GRIP1: variants seen among roughly 807,000 people sequenced by gnomAD.
GRIP1 encodes the protein glutamate receptor interacting protein 1, also known as glutamate receptor-interacting protein 1.
Under a neutral mutation model 129.9 loss-of-function variants are expected in GRIP1, and 45 were observed. The ratio of observed to expected loss-of-function variants is 0.35; its 90% confidence interval spans 0.27 to 0.44. The LOEUF (loss-of-function observed/expected upper bound fraction) is 0.44. GRIP1 is among the 20% of genes least tolerant of loss of function. GRIP1 has a pLI of 1.00. For synonymous variants in GRIP1, 530 were observed against 520.8 expected (o/e 1.02, Z -0.24); for missense variants, 1,196 against 1,396.8 (o/e 0.86, Z 2.29).
Position 66,438,448 on chromosome 12 carries a change from C to T in GRIP1, c.1688-5820G>A, listed in dbSNP as rs578103274. Among the ~76,000 whole-genome samples the T allele has an allele frequency of 4.6e-5, 7 of 151,990 alleles. No individual in the cohort carries two copies. In the South Asian group the frequency reaches 1.0e-3, roughly 23 times the overall value. ...CAGTCTGAAGTTCCTGATCCCAGTT[C>T]CTCAGTAGAGCCAACTGCTCTCTAC... On this transcript the variant is annotated intron_variant, in intron 13 of 24. Coordinates refer to ENST00000359742, the MANE Select transcript of GRIP1 (RefSeq NM_001366722.1).
chr12:66,836,812 T>C (rs1038218651), intron 1 of GRIP1, among the ~76,000 whole-genome samples: 6 of 152,218 alleles, frequency 3.9e-5, no homozygotes, highest in Admixed American at 1.3e-4. Context: ...TGGCAGCAGG[T>C]TGCCCCACCA....
intron 7 of GRIP1, among the ~76,000 whole-genome samples, chr12:66,507,373 G>A (rs1024772892): frequency 1.3e-5 from 2 of 152,038 alleles, no homozygotes; most frequent in African/African-American, 4.8e-5. Context: ...AGGAGGTGGA[G>A]CTTGCAGTGA....
intron 11 of GRIP1, among the ~76,000 whole-genome samples, chr12:66,450,038 C>T (rs1047146555): frequency 2.0e-5 from 3 of 151,836 alleles, no homozygotes; most frequent in Admixed American, 6.6e-5. Context: ...CGGTGGCTCA[C>T]GCCTGTAATC....
intron 15 of GRIP1, among the ~76,000 whole-genome samples, chr12:66,410,330 T>C (rs1256978400): frequency 2.5e-5 from 3 of 121,896 alleles, no homozygotes; most frequent in Non-Finnish European, 5.2e-5. Context: ...CCAGAGAAGA[T>C]GAAAGAAAAA....
chr12:66,363,118 T>A (rs982011039), intron 23 of GRIP1, among the ~76,000 whole-genome samples: 2 of 146,272 alleles, frequency 1.4e-5, no homozygotes, highest in African/African-American at 5.2e-5. Context: ...ACTAACTTTA[T>A]ATATATATAC....
At chr12:66,838,202 A>T (rs1005437289) in intron 1 of GRIP1, among the ~76,000 whole-genome samples, 2 of 151,654 alleles carry the variant, frequency 1.3e-5, no homozygotes, top group African/African-American at 4.8e-5. Context: ...AAAAAAAAAA[A>T]ATCGAGCAGG....
intron 1 of GRIP1, among the ~76,000 whole-genome samples, chr12:66,811,184 GA>G (rs1409281076): frequency 1.3e-5 from 2 of 152,186 alleles, no homozygotes; most frequent in African/African-American, 4.8e-5. Context: ...AGTTTTCAAA[GA>G]TTTTTTTCTA....
intron 1 of GRIP1, among the ~76,000 whole-genome samples, chr12:66,995,820 G>C (rs1815846797): frequency 6.6e-6 from 1 of 152,012 alleles, no homozygotes; most frequent in Admixed American, 6.6e-5. Flanking sequence ...TTCACTCCTA[G>C]GTATATAACC....
At chr12:66,481,855 A>G (rs559229396) in intron 7 of GRIP1, among the ~76,000 whole-genome samples, 42 of 151,948 alleles carry the variant, frequency 2.8e-4, no homozygotes, top group African/African-American at 8.0e-4. Context: ...GGAACAGGAA[A>G]CCAAACACCG....
In GRIP1 at chr12:66,620,789, C is replaced by A. The variant is rs558462161; in HGVS notation, c.56-23862G>T. 5.3e-5 allele frequency among the ~76,000 whole-genome samples: 8 copies of A among 152,144 alleles called. No individual in the cohort carries two copies. In the East Asian group the frequency reaches 1.2e-3, roughly 22 times the overall value. ...CCCCTCACCCCCCCAACCCCTCCCCCCCAGACTTTTAATGGCCAGGGGAGG... is the reference window on the plus strand; with the variant it reads ...CCCCTCACCCCCCCAACCCCTCCCCACCAGACTTTTAATGGCCAGGGGAGG... On this transcript the variant is annotated intron_variant, in intron 1 of 24. Coordinates refer to ENST00000359742, the MANE Select transcript of GRIP1 (RefSeq NM_001366722.1).
chr12:66,820,996 C>T (rs1352356749), intron 1 of GRIP1, among the ~76,000 whole-genome samples: 2 of 152,140 alleles, frequency 1.3e-5, no homozygotes, highest in South Asian at 2.1e-4. Context: ...TTAACATAAA[C>T]TATGGACTTT....
At chr12:66,912,569 T>C (rs1415325264) in intron 1 of GRIP1, among the ~76,000 whole-genome samples, 2 of 152,174 alleles carry the variant, frequency 1.3e-5, no homozygotes, top group Non-Finnish European at 2.9e-5. Flanking sequence ...ATTTTATTAC[T>C]ATATTTCAAA....
chr12:66,431,959 A>C (rs113109686), intron 14 of GRIP1, among the ~76,000 whole-genome samples: 320 of 152,296 alleles, frequency 2.1e-3, no homozygotes, highest in African/African-American at 7.3e-3. Context: ...GATTTACTTA[A>C]AGTAAGAGAC....
At chr12:66,426,163 C>T (rs12829080) in intron 14 of GRIP1, among the ~76,000 whole-genome samples, 99,166 of 151,940 alleles carry the variant, frequency 0.65, 33,788 homozygotes, top group Non-Finnish European at 0.77. Context: ...TTTCCATCCA[C>T]AGGTATGGAC....
At chr12:66,860,161 T>C (rs900851777) in intron 1 of GRIP1, among the ~76,000 whole-genome samples, 3 of 152,096 alleles carry the variant, frequency 2.0e-5, no homozygotes, top group African/African-American at 7.2e-5. Context: ...GCTATAAGGA[T>C]AGATAACTTA....
chr12:66,496,790 G>A lies in GRIP1; in HGVS notation c.724+18829C>T, dbSNP rs191301409. ...CTGATGCTTTTATCTGCAGCTGGAG[G>A]AAATGCTTCTGTAAGGAAAGGGAAG... On this transcript the variant is annotated intron_variant, in intron 7 of 24. Transcript: ENST00000359742. 4.5e-3 allele frequency among the ~76,000 whole-genome samples: 689 copies of A among 152,164 alleles called. 5 individuals are homozygous for A. The highest frequency in any genetic ancestry group is 0.01 in the Middle Eastern group (3 of 294).
chr12:66,901,005 T>C lies in GRIP1; in HGVS notation c.58+168045A>G, dbSNP rs193008796. 4.7e-4 allele frequency among the ~76,000 whole-genome samples: 72 copies of C among 152,294 alleles called. 2 individuals carry two copies. The East Asian group carries it at 0.012, about 26-fold the overall frequency. On this transcript the variant is annotated intron_variant, in intron 1 of 1. Transcript: ENST00000643019. ...TTTCCCTAATTTGACATTTCTCCCA[T>C]GGGAGTAGAGATACATGAATGAAAA...
chr12:66,399,473 T>C (rs2137585932), intron 16 of GRIP1, among the ~76,000 whole-genome samples: 1 of 152,000 alleles, frequency 6.6e-6, no homozygotes, highest in African/African-American at 2.4e-5. Context: ...GTAGAATCAC[T>C]AGTAAGTTTC....
At chr12:66,518,536 C>T (rs4644700) in intron 5 of GRIP1, among the ~76,000 whole-genome samples, 106,497 of 152,136 alleles carry the variant, frequency 0.7, 38,325 homozygotes, top group African/African-American at 0.88. Flanking sequence ...GGAATTTTAA[C>T]TTTCTGTTAG....
Sources: allele counts gnomAD v4.1 joint callset (sites outside exome capture counted in the v4.1 genomes callset), GRCh38; gene constraint gnomAD v4.1.1; transcripts MANE v1.5; gene names NCBI Gene and HGNC (gene_info 2026-07-23, HGNC 2026-07-21).